VWA3B: variants seen among roughly 807,000 people sequenced by gnomAD.
VWA3B encodes von Willebrand factor A domain-containing protein 3B.
A neutral mutation model predicts 158.3 loss-of-function variants in VWA3B; 138 were observed. The ratio of observed to expected loss-of-function variants is 0.87; its 90% CI spans 0.76 to 1.00. The LOEUF (loss-of-function observed/expected upper bound fraction) is 1.00. VWA3B is among the 50% of genes least tolerant of loss of function. VWA3B has a pLI of 0.00. For synonymous variants in VWA3B, 596 were observed against 587.3 expected (o/e 1.01, Z -0.21); for missense variants, 1,555 against 1,565.1 (o/e 0.99, Z 0.11).
At chr2:98,277,825 G>A (rs1187368670) in intron 22 of VWA3B, among the ~76,000 whole-genome samples, 1 of 152,192 alleles carries the variant, frequency 6.6e-6, no homozygotes. Context: ...CACTATACAT[G>A]CAGGAAGATG....
chr2:98,089,295 T>C (rs1356928398), intron 1 of VWA3B, among the ~76,000 whole-genome samples: 2 of 152,082 alleles, frequency 1.3e-5, no homozygotes, highest in African/African-American at 2.4e-5. Flanking sequence ...TGTCTTTAAG[T>C]CTAGTGAGGA....
chr2:98,302,013 C>T lies in VWA3B; in HGVS notation c.3421-1689C>T, dbSNP rs541944359. On this transcript the variant is annotated intron_variant, in intron 25 of 27. Transcript: ENST00000477737. ...CTGATGATGTAGTTTGCCTGATTGACGTCTCCTGCCTCCTCTCAACCCACA... is the reference window on the plus strand; with the variant it reads ...CTGATGATGTAGTTTGCCTGATTGATGTCTCCTGCCTCCTCTCAACCCACA... Among the ~76,000 whole-genome samples, 27 of 152,250 alleles carry T rather than the reference C, an allele frequency of 1.8e-4. No individual in the cohort carries two copies. In the South Asian group the frequency reaches 5.0e-3, roughly 28 times the overall value.
At chr2:98,320,240 C>T in the VWA3B span, among the ~76,000 whole-genome samples, 1 of 152,200 alleles carries the variant, frequency 6.6e-6, no homozygotes, top group African/African-American at 2.4e-5. Context: ...GGCTTTCCTC[C>T]TCCTTTACCT....
chr2:98,244,064 T>C (rs1364383735), intron 19 of VWA3B, among the ~76,000 whole-genome samples: 1 of 152,218 alleles, frequency 6.6e-6, no homozygotes, highest in East Asian at 1.9e-4. Flanking sequence ...ACAGCTAGAA[T>C]GTTGTCAGGT....
chr2:98,153,630 T>C (rs1677818444), intron 7 of VWA3B, among the ~76,000 whole-genome samples: 1 of 152,216 alleles, frequency 6.6e-6, no homozygotes, highest in Admixed American at 6.5e-5. Context: ...TTGTTTCTAA[T>C]CTCCAATTTA....
chr2:98,314,849 CCT>C (rs1359517717), downstream of VWA3B, among the ~76,000 whole-genome samples: 5 of 152,074 alleles, frequency 3.3e-5, no homozygotes, highest in African/African-American at 1.2e-4. Context: ...ATGGTGAAAC[CCT>C]GTCTCTACTA....
At chr2:98,323,821 C>T in the VWA3B span, among the ~76,000 whole-genome samples, 1 of 152,172 alleles carries the variant, frequency 6.6e-6, no homozygotes, top group South Asian at 2.1e-4. Flanking sequence ...ATTGTATATG[C>T]AGTAAAACTA....
intron 2 of VWA3B, 22 bp downstream of exon 2, chr2:98,093,310 A>G (rs755737793): frequency 6.2e-7 from 1 of 1,609,828 alleles, no homozygotes. Flanking sequence ...ACAAACAACC[A>G]GCATGCTGCC....
intron 17 of VWA3B, 51 bp from the exon 18 acceptor site, chr2:98,236,339 G>A (rs1685675836): frequency 6.3e-7 from 1 of 1,599,044 alleles, no homozygotes; most frequent in Admixed American, 1.7e-5. Flanking sequence ...TGCATTTTAT[G>A]TAAAACCCAT....
At chr2:98,227,483 AAAC>A (rs1299099337) in intron 14 of VWA3B, among the ~76,000 whole-genome samples, 2 of 152,202 alleles carry the variant, frequency 1.3e-5, no homozygotes, top group Non-Finnish European at 2.9e-5. Context: ...CCAAACCTGA[AAAC>A]AACATCAACA....
Position 98,179,405 on chromosome 2 carries a change from C to CA in VWA3B, c.1115-1610dup, listed in dbSNP as rs1377088715. 3 of 352,662 alleles carry CA rather than the reference C, an allele frequency of 8.5e-6. No homozygotes were observed. The East Asian group carries it at 3.2e-4, about 37-fold the overall frequency. The allele number at this position is 352,662 out of a possible 1,614,324, so 21.8% of individuals were successfully genotyped here. A position where few individuals can be genotyped will look rare whatever the true frequency, so the allele number is the denominator to read the frequency against. The stretch of plus-strand genomic sequence containing the variant: ...AGGCTGGAGATGTTTAGGCAATTGG[C>CA]ATTGTGGTTATTCTTTTCCCTGTGA... On this transcript the variant is annotated intron_variant, in intron 8 of 27. Coordinates refer to ENST00000477737, the MANE Select transcript of VWA3B (RefSeq NM_144992.5).
rs867284296 is a variant in VWA3B, at chr2:98,311,902, G to A, written c.3605G>A (p.Arg1202Gln). The change falls in exon 27 of 28, where the codon CGA becomes CAA. Residue 1202 changes from arginine to glutamine, a missense_variant. Transcript: ENST00000477737. ...ACGCAGGATTCCAGAGAGCCAAGAC[G>A]AGAGAAGCCCAGGAGGAAAAAGAGG... ...ADTQDSREPRREKPRRKKRPA... is the reference protein window; with the variant it reads ...ADTQDSREPRQEKPRRKKRPA... 1.9e-6 allele frequency: 3 copies of A among 1,611,352 alleles called. No homozygotes were observed. Among genetic ancestry groups the A allele is most frequent in the African/African-American group, 2.7e-5 (2 of 74,856 alleles).
chr2:98,175,109 C>CA (rs1679897373), intron 8 of VWA3B, among the ~76,000 whole-genome samples: 1 of 151,544 alleles, frequency 6.6e-6, no homozygotes, highest in Non-Finnish European at 1.5e-5. Context: ...TCAACAACAA[C>CA]AAAAATGAGG....
intron 21 of VWA3B, among the ~76,000 whole-genome samples, chr2:98,257,640 A>C (rs1363959629): frequency 6.6e-6 from 1 of 151,960 alleles, no homozygotes; most frequent in Non-Finnish European, 1.5e-5. Flanking sequence ...AATGATGTTA[A>C]ACATCTTTTC....
rs756947295 is a variant in VWA3B at position 98,312,227 on chromosome 2, G to A, written c.3763G>A (p.Gly1255Arg). Residue 1255 changes from glycine (G) to arginine (R), a missense_variant, in exon 28 of 28, where the codon GGG becomes AGG. Coordinates refer to ENST00000477737, the MANE Select transcript of VWA3B (RefSeq NM_144992.5). The stretch of plus-strand genomic sequence containing the variant: ...AGCCCACCTCCACTTCCCCGCGGCC[G>A]GGCGTCTAGGACTCAGCAGCCACGC... Reference protein sequence around the residue: ...RTAHLHFPAAGRLGLSSHAII... With the variant: ...RTAHLHFPAARRLGLSSHAII... The A allele has an allele frequency of 7.4e-6, 12 of 1,614,074 alleles. No homozygotes were observed. The highest frequency in any genetic ancestry group is 5.5e-5 in the South Asian group (5 of 91,082).
intron 8 of VWA3B, among the ~76,000 whole-genome samples, chr2:98,166,487 G>A (rs566106504): frequency 2.0e-5 from 3 of 152,154 alleles, no homozygotes; most frequent in Admixed American, 6.5e-5. Flanking sequence ...AGGAAAGGTC[G>A]TGTGCAGCAC....
chr2:98,302,080 C>T (rs1420396746), intron 25 of VWA3B, among the ~76,000 whole-genome samples: 1 of 152,140 alleles, frequency 6.6e-6, no homozygotes, highest in Admixed American at 6.5e-5. Flanking sequence ...CCCCCAGGAC[C>T]CCAGTGTGGC....
At chr2:98,088,012 C>A (rs1008585182) in intron 1 of VWA3B, among the ~76,000 whole-genome samples, 1 of 152,122 alleles carries the variant, frequency 6.6e-6, no homozygotes. Context: ...GTTTCAATAT[C>A]CTTGTCTCTG....
intron 14 of VWA3B, among the ~76,000 whole-genome samples, chr2:98,219,839 C>G (rs1684340756): frequency 6.6e-6 from 1 of 152,026 alleles, no homozygotes; most frequent in South Asian, 2.1e-4. Context: ...AAATATCTTT[C>G]AAAGCAGGAT....
Sources: allele counts gnomAD v4.1 joint callset (sites outside exome capture counted in the v4.1 genomes callset), GRCh38; gene constraint gnomAD v4.1.1; transcripts MANE v1.5; gene names NCBI Gene and HGNC (gene_info 2026-07-23, HGNC 2026-07-21).